Variants in NFE2L1 observed in about 807,000 individuals in gnomAD.
The protein encoded by NFE2L1 is endoplasmic reticulum membrane sensor NFE2L1.
A neutral mutation model predicts 61.6 loss-of-function variants in NFE2L1; 18 were observed. The observed-to-expected ratio is 0.29, with a 90% confidence interval of 0.20 to 0.43. The LOEUF is 0.43. Ranked by LOEUF, NFE2L1 falls within the 20% of genes least tolerant of loss-of-function variation. NFE2L1 has a pLI of 1.00. For synonymous variants in NFE2L1, 419 were observed against 402.7 expected (o/e 1.04, Z -0.48); for missense variants, 827 against 973.5 (o/e 0.85, Z 2.00).
Position 48,059,275 on chromosome 17 carries a change from G to C in NFE2L1, c.1953G>C (p.Gln651His). The C allele has an allele frequency of 6.2e-7, 1 of 1,614,206 alleles. No individual in the cohort carries two copies. The highest frequency in any genetic ancestry group is 1.3e-5 in the African/African-American group (1 of 75,058). The change falls in exon 6 of 6, where the codon CAG (glutamine) becomes CAC (histidine). Residue 651 changes from glutamine (Q) to histidine (H), a missense_variant. Gln to His is a conservative substitution (Grantham distance 24). Transcript: ENST00000362042. This position sits in a 1 kb window ranked among gnomAD's most constrained non-coding sequence, Gnocchi z 6.1. ...LLSKYQLSEA[Q>H]LSLIRDIRRR... ...CCAAATACCAGTTGAGTGAAGCCCAGCTGAGCCTCATCCGAGACATCCGGC... is the reference window on the plus strand; with the variant it reads ...CCAAATACCAGTTGAGTGAAGCCCACCTGAGCCTCATCCGAGACATCCGGC...
In NFE2L1 at chr17:48,050,708, G is replaced by C. The variant is rs2037228325; in HGVS notation, c.-411G>C. The C allele has an allele frequency of 2.2e-6, 1 of 455,124 alleles. No individual in the cohort carries two copies. Among genetic ancestry groups the C allele is most frequent in the Admixed American group, 3.8e-5 (1 of 26,558 alleles). 28.2% of individuals were successfully genotyped at this position (455,124 alleles called of 1,614,324 possible). A position where few individuals can be genotyped will look rare whatever the true frequency, so the allele number is the denominator to read the frequency against. On this transcript the variant is annotated 5_prime_UTR_variant, in exon 2 of 6. Transcript: ENST00000362042. ...GCCAAAGAAAATAAACCTTAGGAGG[G>C]AGAAGGAAAAAAAAAATCCATCAGC...
At chr17:48,053,721 G>A (rs1470149408) in intron 2 of NFE2L1, among the ~76,000 whole-genome samples, 5 of 152,166 alleles carry the variant, frequency 3.3e-5, no homozygotes, top group South Asian at 4.1e-4. Context: ...ATTTCCCCTC[G>A]AGAAACCAAT....
chr17:48,051,605 G>C lies in NFE2L1; in HGVS notation c.487G>C (p.Val163Leu). 6.2e-7 allele frequency: 1 copy of C among 1,613,766 alleles called. No individual in the cohort carries two copies. The highest frequency in any genetic ancestry group is 8.5e-7 in the Non-Finnish European group (1 of 1,179,808). ...GGATTTGGGGGCTGTAGCCCCCCCAGTCAGTGGAGACTTAACCAAAGAGGT... is the reference window on the plus strand; with the variant it reads ...GGATTTGGGGGCTGTAGCCCCCCCACTCAGTGGAGACTTAACCAAAGAGGT... ...LEDLGAVAPP[V>L]SGDLTKEDID... Residue 163 changes from valine (V) to leucine (L), a missense_variant, in exon 2 of 6, where the codon GTC (valine) becomes CTC (leucine). By Grantham distance (32) the Val-to-Leu change is conservative. Coordinates refer to ENST00000362042, the MANE Select transcript of NFE2L1 (RefSeq NM_003204.3).
chr17:48,055,375 T>C (rs866013495), intron 2 of NFE2L1, among the ~76,000 whole-genome samples: 4 of 152,070 alleles, frequency 2.6e-5, no homozygotes, highest in Non-Finnish European at 5.9e-5. Flanking sequence ...GTGCCATGTA[T>C]AGGAAGCCCA....
chr17:48,057,002 CA>C, intron 3 of NFE2L1, 29 bp from the exon 4 acceptor site: 1 of 1,611,008 alleles, frequency 6.2e-7, no homozygotes, highest in African/African-American at 1.3e-5. Context: ...AGGCCCAGGT[CA>C]ATCAGACTTA....
Position 48,054,893 on chromosome 17 carries a change from C to T in NFE2L1, c.511-1493C>T, listed in dbSNP as rs528251836. On this transcript the variant is annotated intron_variant, in intron 2 of 5. Coordinates refer to ENST00000362042, the MANE Select transcript of NFE2L1 (RefSeq NM_003204.3). ...AGCAGCACGGGCGGGGCACCCTCCT[C>T]AGGCCCCTCGGAGCTAGCAAGGGGC... 146 of 1,379,790 alleles carry T rather than the reference C, an allele frequency of 1.1e-4. 1 individual carries two copies. In the South Asian group the frequency reaches 2.1e-3, roughly 20 times the overall value. 85.5% of individuals were successfully genotyped at this position (1,379,790 alleles called of 1,614,324 possible). A position where few individuals can be genotyped will look rare whatever the true frequency, so the allele number is the denominator to read the frequency against.
At chr17:48,049,658 G>C (rs1165757903) in intron 1 of NFE2L1, among the ~76,000 whole-genome samples, 1 of 152,254 alleles carries the variant, frequency 6.6e-6, no homozygotes, top group African/African-American at 2.4e-5. Context: ...CTCCCGAAGT[G>C]CTGGGATTAC....
intron 2 of NFE2L1, chr17:48,054,891 C>T (rs559650049): frequency 5.5e-4 from 754 of 1,379,450 alleles, no homozygotes; most frequent in Middle Eastern, 2.4e-3. Flanking sequence ...GGGCACCCTC[C>T]TCAGGCCCCT....
rs1402007055 is a variant in NFE2L1 at position 48,051,217 on chromosome 17, C to G, written c.99C>G (p.Thr33=). ...GVRVDVDTYL[T]SQLPPLREII... is the part of the protein sequence containing the mutation. ...GGGTGGACGTGGATACTTACCTGAC[C>G]TCACAGCTTCCCCCACTCCGGGAGA... The change falls in exon 2 of 6, where the codon ACC becomes ACG. Residue 33 remains threonine (T), a synonymous_variant. Transcript: ENST00000362042. The G allele has an allele frequency of 6.8e-6, 11 of 1,614,084 alleles. No homozygotes were observed. In the Admixed American group the frequency reaches 1.7e-4, roughly 24 times the overall value.
intron 1 of NFE2L1, chr17:48,049,153 G>A (rs1456998117): frequency 6.6e-6 from 1 of 152,252 alleles, no homozygotes; most frequent in Non-Finnish European, 1.5e-5. Flanking sequence ...CGCAGGAGAG[G>A]AGAGGCGGTA....
Position 48,057,582 on chromosome 17 carries a change from A to G in NFE2L1, c.972+80A>G, listed in dbSNP as rs1598291376. 4.0e-6 allele frequency: 6 copies of G among 1,505,398 alleles called. No individual in the cohort carries two copies. In the East Asian group the frequency reaches 6.8e-5, roughly 17 times the overall value. 93.3% of individuals were successfully genotyped at this position (1,505,398 alleles called of 1,614,324 possible). On this transcript the variant is annotated intron_variant, in intron 5 of 5. Coordinates refer to ENST00000362042, the MANE Select transcript of NFE2L1 (RefSeq NM_003204.3). ...GCACTCAGTTGCTTTTCCATCTCCA[A>G]GGAGAGAAAGTGTAATACTTTCCCT...
rs2037230307 is a variant in NFE2L1 at position 48,050,804 on chromosome 17, G to A, written c.-315G>A. ...AATGTGAGTGAGGAAGTGACTGTAT[G>A]TGGACTGTGGAGAAAGTAAGTCACG... On this transcript the variant is annotated 5_prime_UTR_variant, in exon 2 of 6. It adds an upstream start codon to the 5' untranslated region. Transcript: ENST00000362042. The A allele has an allele frequency of 1.7e-6, 1 of 588,296 alleles. No homozygotes were observed. Among genetic ancestry groups the A allele is most frequent in the Non-Finnish European group, 3.0e-6 (1 of 330,626 alleles). 36.4% of individuals were successfully genotyped at this position (588,296 alleles called of 1,614,324 possible). A position where few individuals can be genotyped will look rare whatever the true frequency, so the allele number is the denominator to read the frequency against.
rs971472968 is a variant in NFE2L1 at position 48,060,663 on chromosome 17, T to C, written c.*1022T>C. ...TGAGGCAGAGGAATGATGGAGAATC[T>C]AGTGTAGCAGCCTCCAGGCAGGATT... On this transcript the variant is annotated 3_prime_UTR_variant, in exon 6 of 6. Transcript: ENST00000362042. The C allele has an allele frequency of 6.5e-6, 1 of 152,710 alleles. No individual in the cohort carries two copies. Among genetic ancestry groups the C allele is most frequent in the African/African-American group, 2.4e-5 (1 of 41,456 alleles). The allele number at this position is 152,710 out of a possible 1,614,324, so 9.5% of individuals were successfully genotyped here.
intron 2 of NFE2L1, chr17:48,054,660 G>T: frequency 1.6e-6 from 2 of 1,265,798 alleles, no homozygotes; most frequent in Non-Finnish European, 9.9e-7. Context: ...GGGGGGCGTG[G>T]GGGGGAGGAG....
chr17:48,059,398 C>T lies in NFE2L1; in HGVS notation c.2076C>T (p.Asp692=). The T allele has an allele frequency of 6.2e-7, 1 of 1,614,222 alleles. No individual in the cohort carries two copies. The highest frequency in any genetic ancestry group is 2.2e-5 in the East Asian group (1 of 44,888). ...GTGATGTGGAGGACCTGCAGCGTGA[C>T]AAAGCCCGGCTGCTGCGGGAGAAAG... The part of the protein sequence containing the change: ...LERDVEDLQR[D]KARLLREKVE... The change falls in exon 6 of 6, where the codon GAC becomes GAT. Residue 692 remains aspartate (D), a synonymous_variant. Coordinates refer to ENST00000362042, the MANE Select transcript of NFE2L1 (RefSeq NM_003204.3). This position sits in a 1 kb window ranked among gnomAD's most constrained non-coding sequence, Gnocchi z 6.1.
chr17:48,056,943 T>G (rs1598289905), intron 3 of NFE2L1, 89 bp from the exon 4 acceptor site: 5 of 1,337,856 alleles, frequency 3.7e-6, no homozygotes, highest in Admixed American at 1.9e-5. Context: ...GGAGGGAGAC[T>G]GCAGGGCTTC....
Position 48,059,954 on chromosome 17 carries a change from G to A in NFE2L1, c.*313G>A. ...ATGTGGAGCAAAGGCCGACAGAGGG[G>A]AAGGAATGGACCTGTGAGAGGAAGG... On this transcript the variant is annotated 3_prime_UTR_variant, in exon 6 of 6. Coordinates refer to ENST00000362042, the MANE Select transcript of NFE2L1 (RefSeq NM_003204.3). The surrounding 1 kb of genome is among the most constrained non-coding windows in gnomAD (Gnocchi z 6.1). 3.5e-6 allele frequency: 1 copy of A among 287,986 alleles called. No individual in the cohort carries two copies. Among genetic ancestry groups the A allele is most frequent in the Non-Finnish European group, 6.4e-6 (1 of 155,318 alleles). The allele number at this position is 287,986 out of a possible 1,614,324, so 17.8% of individuals were successfully genotyped here.
intron 3 of NFE2L1, 104 bp downstream of exon 3, chr17:48,056,702 G>A (rs1482747303): frequency 2.9e-6 from 4 of 1,369,016 alleles, no homozygotes; most frequent in Non-Finnish European, 3.0e-6. Context: ...GACAGGTGGT[G>A]TGTGGGGTGG....
At chr17:48,057,597 A>G in intron 5 of NFE2L1, 95 bp downstream of exon 5, 7 of 1,452,236 alleles carry the variant, frequency 4.8e-6, no homozygotes, top group Admixed American at 4.3e-5. Context: ...AGAAAGTGTA[A>G]TACTTTCCCT....
Sources: gnomAD v4.1 joint callset for allele counts (sites outside exome capture counted in the v4.1 genomes callset) on GRCh38, gnomAD v4.1.1 for gene constraint, Gnocchi (gnomAD v3.1) non-coding constraint, MANE v1.5 for transcripts, NCBI Gene and HGNC (gene_info 2026-07-23, HGNC 2026-07-21) for gene names.